HPSE2: variants seen among roughly 807,000 people sequenced by gnomAD.
HPSE2 encodes the protein inactive heparanase-2.
In HPSE2, 38 loss-of-function variants were observed where a neutral mutation model predicts 60.5. The observed-to-expected ratio is 0.63, with a 90% CI of 0.48 to 0.82. The LOEUF (loss-of-function observed/expected upper bound fraction) is 0.82. Ranked by LOEUF, HPSE2 falls within the 40% of genes least tolerant of loss-of-function variation. HPSE2 has a pLI of 0.00. For synonymous variants in HPSE2, 295 were observed against 293.2 expected (o/e 1.01, Z -0.06); for missense variants, 713 against 740.4 (o/e 0.96, Z 0.43).
At chr10:98,603,873 G>A (rs1945503433) in intron 9 of HPSE2, among the ~76,000 whole-genome samples, 1 of 151,960 alleles carries the variant, frequency 6.6e-6, no homozygotes, top group African/African-American at 2.4e-5. Context: ...GCAGGAGAAG[G>A]GAAATACCAA....
At chr10:99,291,054 A>G in the HPSE2 span, among the ~76,000 whole-genome samples, 20 of 152,206 alleles carry the variant, frequency 1.3e-4, no homozygotes, top group African/African-American at 4.8e-4. Context: ...GCTAAAGTGA[A>G]CCATGAAGAA....
chr10:99,242,507 G>A, the HPSE2 span, among the ~76,000 whole-genome samples: 1 of 152,186 alleles, frequency 6.6e-6, no homozygotes, highest in Non-Finnish European at 1.5e-5. Context: ...AGGTAGGGAT[G>A]ACAGTTACTT....
At chr10:98,867,406 C>T (rs1952615816) in intron 3 of HPSE2, among the ~76,000 whole-genome samples, 1 of 151,984 alleles carries the variant, frequency 6.6e-6, no homozygotes. Context: ...TGCTCAACAA[C>T]ATTGATCATC....
At chr10:99,015,062 A>G (rs1021369342) in intron 3 of HPSE2, among the ~76,000 whole-genome samples, 2 of 152,236 alleles carry the variant, frequency 1.3e-5, no homozygotes, top group Non-Finnish European at 2.9e-5. Context: ...AAGACACATG[A>G]AAAAAGGCTC....
At chr10:98,500,514 A>C (rs1452724812) in intron 9 of HPSE2, among the ~76,000 whole-genome samples, 1 of 152,242 alleles carries the variant, frequency 6.6e-6, no homozygotes, top group East Asian at 1.9e-4. Context: ...CCTCTGGGAT[A>C]CAGCAAAGGC....
chr10:98,670,857 C>T (rs1211345228), intron 6 of HPSE2, among the ~76,000 whole-genome samples: 1 of 152,122 alleles, frequency 6.6e-6, no homozygotes, highest in African/African-American at 2.4e-5. Flanking sequence ...TGTTGTGAGC[C>T]CTTAAAAGGG....
intron 3 of HPSE2, among the ~76,000 whole-genome samples, chr10:98,884,173 C>T (rs909098992): frequency 3.3e-5 from 5 of 152,104 alleles, no homozygotes; most frequent in African/African-American, 1.2e-4. Flanking sequence ...CTTTAATTCT[C>T]TGAAGGCTGA....
intron 3 of HPSE2, among the ~76,000 whole-genome samples, chr10:98,898,907 T>C (rs1243920062): frequency 1.3e-5 from 2 of 152,188 alleles, no homozygotes; most frequent in Non-Finnish European, 2.9e-5. Context: ...AATAGTTTGC[T>C]CAACAAATTG....
At chr10:99,098,474 T>C (rs1004709452) in intron 3 of HPSE2, among the ~76,000 whole-genome samples, 3 of 152,230 alleles carry the variant, frequency 2.0e-5, no homozygotes, top group African/African-American at 7.2e-5. Flanking sequence ...GCTTTTAGCC[T>C]TCTTGAATTT....
At chr10:99,112,802 A>G (rs1044183069) in intron 3 of HPSE2, among the ~76,000 whole-genome samples, 1 of 152,206 alleles carries the variant, frequency 6.6e-6, no homozygotes, top group African/African-American at 2.4e-5. Flanking sequence ...AGAACACTAA[A>G]GAATTGGTAG....
At chr10:98,907,723 A>T (rs951309497) in intron 3 of HPSE2, among the ~76,000 whole-genome samples, 1 of 152,060 alleles carries the variant, frequency 6.6e-6, no homozygotes, top group Non-Finnish European at 1.5e-5. Flanking sequence ...AATTATCTGA[A>T]CCTCACTTTC....
At chr10:98,548,357 C>G (rs1268309315) in intron 9 of HPSE2, among the ~76,000 whole-genome samples, 1 of 152,178 alleles carries the variant, frequency 6.6e-6, no homozygotes, top group East Asian at 1.9e-4. Flanking sequence ...TGGCTCACGC[C>G]TGTAATCCCA....
the HPSE2 span, among the ~76,000 whole-genome samples, chr10:99,284,303 G>C: frequency 6.6e-6 from 1 of 152,084 alleles, no homozygotes; most frequent in East Asian, 1.9e-4. Flanking sequence ...TCAGTTGATA[G>C]AGTAAAAGCA....
the HPSE2 span, among the ~76,000 whole-genome samples, chr10:99,244,762 A>T: frequency 2.6e-5 from 4 of 151,884 alleles, no homozygotes; most frequent in South Asian, 8.3e-4. Context: ...AATGTTTATA[A>T]CAGAAGGCTT....
At position 99,034,399 on chromosome 10, in the gene HPSE2, T is replaced by C. The variant is rs148514815; in HGVS notation, c.610+109839A>G. ...TACCATGAGGAAATTTAGTGAATAA[T>C]AGAACTGTTCTATAGCGGGGGTGGA... On this transcript the variant is annotated intron_variant, in intron 3 of 11. Transcript: ENST00000370552. 4.3e-4 allele frequency among the ~76,000 whole-genome samples: 65 copies of C among 152,260 alleles called. No homozygotes were observed. The East Asian group carries it at 9.3e-3, about 22-fold the overall frequency.
At chr10:98,894,715 T>C (rs1953434799) in intron 3 of HPSE2, among the ~76,000 whole-genome samples, 1 of 151,576 alleles carries the variant, frequency 6.6e-6, no homozygotes, top group Non-Finnish European at 1.5e-5. Context: ...TAGGAGACAA[T>C]ATTTAAAAGA....
At chr10:98,628,917 GA>G (rs35286605) in intron 7 of HPSE2, among the ~76,000 whole-genome samples, 47,804 of 148,820 alleles carry the variant, frequency 0.32, 8,157 homozygotes, top group East Asian at 0.45. Context: ...AAAGAAAAAA[GA>G]AAAAAAAAAC....
At chr10:98,632,664 G>A (rs10883152) in intron 7 of HPSE2, among the ~76,000 whole-genome samples, 13,232 of 152,098 alleles carry the variant, frequency 0.087, 1,371 homozygotes, top group African/African-American at 0.24. Flanking sequence ...AGAAGTTCAT[G>A]GAGCTTAAAT....
At chr10:98,949,816 T>A (rs1955301897) in intron 3 of HPSE2, among the ~76,000 whole-genome samples, 1 of 152,144 alleles carries the variant, frequency 6.6e-6, no homozygotes, top group Non-Finnish European at 1.5e-5. Flanking sequence ...ACATGTGTTT[T>A]TTATAAAGAC....
Sources: allele counts gnomAD v4.1 joint callset (sites outside exome capture counted in the v4.1 genomes callset), GRCh38; gene constraint gnomAD v4.1.1; transcripts MANE v1.5; gene names NCBI Gene and HGNC (gene_info 2026-07-23, HGNC 2026-07-21).